GNB4: variants seen among roughly 807,000 people sequenced by gnomAD.
GNB4 encodes the protein G protein subunit beta 4, also known as guanine nucleotide-binding protein subunit beta-4.
Under a neutral mutation model 45.2 loss-of-function variants are expected in GNB4, and 28 were observed. That is an observed-to-expected ratio of 0.62 (90% CI 0.46 to 0.85). The LOEUF is 0.85. GNB4 is among the 40% of genes least tolerant of loss of function. The probability of loss-of-function intolerance (pLI) is 0.00; values close to 1 mark genes in which losing one functional copy is unlikely to be tolerated. For missense variants in GNB4, 321 were observed against 425.4 expected (o/e 0.75, Z 2.16); for synonymous variants, 132 against 143.7 (o/e 0.92, Z 0.58).
chr3:179,515,016 CTG>C, the GNB4 span, among the ~76,000 whole-genome samples: 3 of 152,158 alleles, frequency 2.0e-5, no homozygotes, highest in Admixed American at 2.0e-4. Context: ...GACTTTATTG[CTG>C]TGTTTTATCA....
chr3:179,413,502 A>G lies in GNB4; in HGVS notation c.609T>C (p.Ala203=). The G allele has an allele frequency of 6.2e-7, 1 of 1,614,166 alleles. No homozygotes were observed. The highest frequency in any genetic ancestry group is 8.5e-7 in the Non-Finnish European group (1 of 1,179,990). The change falls in exon 8 of 10, where the codon GCT becomes GCC. Residue 203 remains alanine, a synonymous_variant. Transcript: ENST00000232564. ...SPDMRTFVSG[A]CDASSKLWDI... ...CCCATAATTTGGAAGAGGCATCACA[A>G]GCACCAGAAACAAAAGTCCTCATGT... is the stretch of plus-strand genomic sequence containing the variant.
chr3:179,502,056 G>T, the GNB4 span, among the ~76,000 whole-genome samples: 1 of 152,020 alleles, frequency 6.6e-6, no homozygotes, highest in African/African-American at 2.4e-5. Flanking sequence ...CAGTGGGAAT[G>T]ATCTTAAGCC....
At chr3:179,457,155 G>C in the GNB4 span, among the ~76,000 whole-genome samples, 1 of 152,160 alleles carries the variant, frequency 6.6e-6, no homozygotes, top group African/African-American at 2.4e-5. Context: ...AAGATCAAGA[G>C]AATAATTTTG....
the GNB4 span, among the ~76,000 whole-genome samples, chr3:179,482,489 A>G: frequency 1.3e-5 from 2 of 152,216 alleles, no homozygotes; most frequent in African/African-American, 4.8e-5. Context: ...GAAATATGAA[A>G]ACATGATTTC....
the GNB4 span, among the ~76,000 whole-genome samples, chr3:179,488,999 AAAAAAAAAAAAAAAAAAAAAATATAT>A: frequency 3.3e-5 from 1 of 30,556 alleles, no homozygotes; most frequent in Non-Finnish European, 5.1e-5. Flanking sequence ...AAAAAAAAAA[AAAAAAAAAAAAAAAAAAAAAATATAT>A]ATATATATAT....
intron 9 of GNB4, among the ~76,000 whole-genome samples, chr3:179,402,446 A>G (rs1328782004): frequency 3.3e-5 from 5 of 152,242 alleles, no homozygotes; most frequent in African/African-American, 1.2e-4. Flanking sequence ...CCAGGAATCT[A>G]CTTGCAAAGT....
the GNB4 span, among the ~76,000 whole-genome samples, chr3:179,492,545 A>G: frequency 6.6e-6 from 1 of 152,046 alleles, no homozygotes; most frequent in Non-Finnish European, 1.5e-5. Flanking sequence ...GGAGCCCAAG[A>G]AGCTGCAGTG....
the GNB4 span, among the ~76,000 whole-genome samples, chr3:179,519,934 T>G: frequency 6.6e-6 from 1 of 152,102 alleles, no homozygotes; most frequent in Admixed American, 6.6e-5. Context: ...ATAAACTCCC[T>G]TTACAGTTCC....
At chr3:179,497,865 A>C in the GNB4 span, among the ~76,000 whole-genome samples, 1 of 152,222 alleles carries the variant, frequency 6.6e-6, no homozygotes, top group Admixed American at 6.5e-5. Flanking sequence ...CACACTCAGT[A>C]GTATGGCTAT....
chr3:179,422,450 G>A (rs867063811), intron 2 of GNB4, among the ~76,000 whole-genome samples: 7 of 149,388 alleles, frequency 4.7e-5, no homozygotes, highest in South Asian at 2.1e-4. Flanking sequence ...AAAACAGTGA[G>A]ACCCTGTCTC....
At chr3:179,422,407 G>A (rs371002291) in intron 2 of GNB4, among the ~76,000 whole-genome samples, 23 of 151,570 alleles carry the variant, frequency 1.5e-4, no homozygotes, top group African/African-American at 4.6e-4. Flanking sequence ...AGGAAGGATC[G>A]CTCGAGCCCA....
chr3:179,430,220 A>G (rs1475240364), intron 1 of GNB4, among the ~76,000 whole-genome samples: 2 of 151,912 alleles, frequency 1.3e-5, no homozygotes, highest in Non-Finnish European at 2.9e-5. Flanking sequence ...CAAGTAGCTG[A>G]GCCCACAGGT....
At chr3:179,498,774 T>TGCA in the GNB4 span, among the ~76,000 whole-genome samples, 1 of 121,086 alleles carries the variant, frequency 8.3e-6, no homozygotes, top group African/African-American at 4.1e-5. Context: ...TTTTGCCTCT[T>TGCA]TCTTTATTAT....
chr3:179,515,818 G>A, the GNB4 span, among the ~76,000 whole-genome samples: 15 of 152,270 alleles, frequency 9.9e-5, no homozygotes, highest in Non-Finnish European at 1.6e-4. Flanking sequence ...GCTTCGAGAG[G>A]GATTAGGGTC....
At chr3:179,412,066 A>C (rs1049066430) in intron 8 of GNB4, among the ~76,000 whole-genome samples, 1 of 152,180 alleles carries the variant, frequency 6.6e-6, no homozygotes, top group African/African-American at 2.4e-5. Flanking sequence ...TAATTTACAG[A>C]TATCTATGAC....
chr3:179,480,389 A>G, the GNB4 span, among the ~76,000 whole-genome samples: 4 of 152,202 alleles, frequency 2.6e-5, no homozygotes, highest in South Asian at 8.3e-4. Flanking sequence ...CCCTGTAATA[A>G]TGGCAATAAC....
intron 1 of GNB4, among the ~76,000 whole-genome samples, chr3:179,429,569 G>C (rs1715245493): frequency 6.6e-6 from 1 of 152,230 alleles, no homozygotes; most frequent in Non-Finnish European, 1.5e-5. Context: ...TCTTAACCAG[G>C]CTTCATCCAG....
In GNB4 at chr3:179,398,927, A is replaced by C. The variant is rs1714201753; in HGVS notation, c.*2286T>G. 1 of 152,186 alleles carries C rather than the reference A, an allele frequency of 6.6e-6. No individual in the cohort carries two copies. The highest frequency in any genetic ancestry group is 1.5e-5 in the Non-Finnish European group (1 of 68,032). 9.4% of individuals were successfully genotyped at this position (152,186 alleles called of 1,614,324 possible). A position where few individuals can be genotyped will look rare whatever the true frequency, so the allele number is the denominator to read the frequency against. On this transcript the variant is annotated 3_prime_UTR_variant, in exon 10 of 10. Coordinates refer to ENST00000232564, the MANE Select transcript of GNB4 (RefSeq NM_021629.4). ...CTTTAAGAACATTAAAATAAATGTA[A>C]TTTTAAAATATGTTAAGACCATAGA...
intron 2 of GNB4, among the ~76,000 whole-genome samples, chr3:179,425,941 A>G (rs986676101): frequency 2.0e-5 from 3 of 152,242 alleles, no homozygotes; most frequent in Non-Finnish European, 4.4e-5. Context: ...CTACATAGGT[A>G]CTTGTTCGCA....
Sources: gnomAD v4.1 joint callset for allele counts (sites outside exome capture counted in the v4.1 genomes callset) on GRCh38, gnomAD v4.1.1 for gene constraint, MANE v1.5 for transcripts, NCBI Gene and HGNC (gene_info 2026-07-23, HGNC 2026-07-21) for gene names.